SHISA9: variants seen among roughly 807,000 people sequenced by gnomAD.
SHISA9 encodes protein shisa-9.
A neutral mutation model predicts 38.0 loss-of-function variants in SHISA9; 13 were observed. The observed-to-expected ratio is 0.34, with a 90% CI of 0.22 to 0.54. The LOEUF (loss-of-function observed/expected upper bound fraction) is 0.54, where lower values mean the gene tolerates loss of function less well. Among genes scored for constraint, SHISA9 ranks in the 20% least tolerant of loss-of-function variants. The pLI, the probability that SHISA9 is intolerant of heterozygous loss-of-function variation, is 0.91. For synonymous variants in SHISA9, 275 were observed against 242.0 expected (o/e 1.14, Z -1.27); for missense variants, 538 against 575.8 (o/e 0.93, Z 0.67).
At chr16:13,241,823 C>A (rs143712755), downstream of SHISA9, among the ~76,000 whole-genome samples, 20 of 152,222 alleles carry the variant, frequency 1.3e-4, no homozygotes, top group East Asian at 3.1e-3. Context: ...GTCTTTGGGG[C>A]ACAGTTCTGG....
At chr16:13,387,197 A>G in the SHISA9 span, among the ~76,000 whole-genome samples, 1 of 152,234 alleles carries the variant, frequency 6.6e-6, no homozygotes, top group Non-Finnish European at 1.5e-5. Flanking sequence ...GGTATCCCAA[A>G]AAATGTATGT....
At chr16:12,916,843 A>T in intron 2 of SHISA9, 28 bp downstream of exon 2, 1 of 1,548,770 alleles carries the variant, frequency 6.5e-7, no homozygotes, top group Non-Finnish European at 8.7e-7. Flanking sequence ...AACCATTTCC[A>T]GTCCCATGGG....
chr16:13,114,987 T>G (rs1299077889), intron 2 of SHISA9, among the ~76,000 whole-genome samples: 2 of 139,064 alleles, frequency 1.4e-5, no homozygotes, highest in East Asian at 2.0e-4. Flanking sequence ...TCTATCTATC[T>G]ATCGATCATC....
At chr16:12,933,978 T>C (rs1365862335) in intron 2 of SHISA9, among the ~76,000 whole-genome samples, 1 of 152,024 alleles carries the variant, frequency 6.6e-6, no homozygotes, top group Non-Finnish European at 1.5e-5. Context: ...AAAGTGATCA[T>C]TAAGATGAGA....
chr16:13,066,882 A>T (rs2073440984), intron 2 of SHISA9, among the ~76,000 whole-genome samples: 1 of 152,192 alleles, frequency 6.6e-6, no homozygotes, highest in African/African-American at 2.4e-5. Flanking sequence ...GGATTCCAGG[A>T]TCCTCCTGCA....
chr16:13,497,447 A>G, the SHISA9 span, among the ~76,000 whole-genome samples: 1 of 152,146 alleles, frequency 6.6e-6, no homozygotes, highest in Admixed American at 6.5e-5. Flanking sequence ...GCACTTTGGG[A>G]GGCCGAGGCA....
chr16:13,243,246 A>C (rs1399522717), downstream of SHISA9, among the ~76,000 whole-genome samples: 1 of 149,872 alleles, frequency 6.7e-6, no homozygotes, highest in Non-Finnish European at 1.5e-5. Context: ...GTCTCAAAAA[A>C]AAAAAAAGAA....
At chr16:12,970,389 G>GTATATA (rs143875033) in intron 2 of SHISA9, among the ~76,000 whole-genome samples, 1 of 34,706 alleles carries the variant, frequency 2.9e-5, no homozygotes, top group Non-Finnish European at 5.2e-5. Context: ...ATACATATAT[G>GTATATA]TATATATATA....
At chr16:13,334,149 C>T in the SHISA9 span, among the ~76,000 whole-genome samples, 1 of 152,208 alleles carries the variant, frequency 6.6e-6, no homozygotes, top group African/African-American at 2.4e-5. Flanking sequence ...GATCCCTTTT[C>T]TCTCCTCATT....
At chr16:12,919,575 C>G (rs575597936) in intron 2 of SHISA9, among the ~76,000 whole-genome samples, 2 of 152,106 alleles carry the variant, frequency 1.3e-5, no homozygotes, top group Non-Finnish European at 2.9e-5. Context: ...AAGTTTTAGT[C>G]AAATGGTAAG....
At chr16:13,299,236 C>T in the SHISA9 span, among the ~76,000 whole-genome samples, 2 of 152,158 alleles carry the variant, frequency 1.3e-5, no homozygotes, top group East Asian at 1.9e-4. Flanking sequence ...CACTCATTAG[C>T]GCTTCCCTTG....
intron 3 of SHISA9, among the ~76,000 whole-genome samples, chr16:13,210,125 C>G (rs1367379581): frequency 6.6e-6 from 1 of 152,130 alleles, no homozygotes; most frequent in Non-Finnish European, 1.5e-5. Context: ...GTCCCTAAAG[C>G]TCACTTGGTG....
intron 2 of SHISA9, among the ~76,000 whole-genome samples, chr16:12,930,558 T>C (rs1245546718): frequency 6.6e-6 from 1 of 152,206 alleles, no homozygotes; most frequent in Non-Finnish European, 1.5e-5. Flanking sequence ...CCTCCTAATG[T>C]CCTGATCCAT....
chr16:13,104,020 A>G (rs766249550), intron 2 of SHISA9, among the ~76,000 whole-genome samples: 6 of 152,072 alleles, frequency 3.9e-5, no homozygotes, highest in Non-Finnish European at 5.9e-5. Context: ...CATCTGTTCC[A>G]TCTCCAAATT....
the SHISA9 span, among the ~76,000 whole-genome samples, chr16:13,381,226 C>T: frequency 1.3e-5 from 2 of 152,010 alleles, no homozygotes; most frequent in African/African-American, 2.4e-5. Context: ...TAGAGGGCAA[C>T]TAACCAGATT....
chr16:12,978,287 C>G (rs959375416), intron 2 of SHISA9, among the ~76,000 whole-genome samples: 2 of 152,188 alleles, frequency 1.3e-5, no homozygotes, highest in African/African-American at 4.8e-5. Flanking sequence ...AGCATGACTT[C>G]TAGTCTCCCC....
chr16:13,405,380 C>A, the SHISA9 span, among the ~76,000 whole-genome samples: 1 of 152,100 alleles, frequency 6.6e-6, no homozygotes, highest in African/African-American at 2.4e-5. Context: ...GTGCACTCAC[C>A]CAGAAGATAG....
chr16:13,220,187 T>G (rs1012617491), intron 4 of SHISA9, among the ~76,000 whole-genome samples: 10 of 152,336 alleles, frequency 6.6e-5, no homozygotes, highest in African/African-American at 2.4e-4. Context: ...GAGGTTCTTC[T>G]TATCTCAGGT....
chr16:13,396,588 T>C, the SHISA9 span, among the ~76,000 whole-genome samples: 1 of 152,220 alleles, frequency 6.6e-6, no homozygotes, highest in Admixed American at 6.5e-5. Context: ...CTTTCAGGTT[T>C]CTGTTGCCTA....
Sources: allele counts gnomAD v4.1 joint callset (sites outside exome capture counted in the v4.1 genomes callset), GRCh38; gene constraint gnomAD v4.1.1; transcripts MANE v1.5; gene names NCBI Gene and HGNC (gene_info 2026-07-23, HGNC 2026-07-21).